The following DPP6 variants were observed in gnomAD, a reference collection of about 807,000 sequenced individuals.
DPP6 encodes dipeptidyl peptidase like 6, also known as A-type potassium channel modulatory protein DPP6.
Under a neutral mutation model 122.6 loss-of-function variants are expected in DPP6, and 69 were observed. That is an observed-to-expected ratio of 0.56 (90% CI 0.46 to 0.69). The LOEUF (loss-of-function observed/expected upper bound fraction) is 0.69. Among genes scored for constraint, DPP6 ranks in the 30% least tolerant of loss-of-function variants. The pLI, the probability that DPP6 is intolerant of heterozygous loss-of-function variation, is 0.00. For missense variants in DPP6, 928 were observed against 1,116.9 expected (o/e 0.83, Z 2.41); for synonymous variants, 418 against 433.1 (o/e 0.97, Z 0.43).
At chr7:154,117,307 C>A (rs192982325) in intron 1 of DPP6, among the ~76,000 whole-genome samples, 10 of 152,284 alleles carry the variant, frequency 6.6e-5, no homozygotes, top group Admixed American at 2.0e-4. Context: ...AAAGTCTGAG[C>A]AAATATGATT....
chr7:154,566,998 A>G lies in DPP6; in HGVS notation c.627+82A>G, dbSNP rs768670482. 5 of 988,462 alleles carry G rather than the reference A, an allele frequency of 5.1e-6. No homozygotes were observed. The East Asian group carries it at 7.8e-5, about 15-fold the overall frequency. The allele number at this position is 988,462 out of a possible 1,614,324, so 61.2% of individuals were successfully genotyped here. On this transcript the variant is annotated intron_variant, in intron 5 of 25. Coordinates refer to ENST00000377770, the MANE Select transcript of DPP6 (RefSeq NM_130797.4). Reference sequence around the variant, plus strand: ...TTAAGTATATTTCCTTGACTCTTCTATACTTAGTGATCTTTGAATCCAGAA... The same window carrying G: ...TTAAGTATATTTCCTTGACTCTTCTGTACTTAGTGATCTTTGAATCCAGAA...
At chr7:154,721,779 C>T (rs1841823916) in intron 7 of DPP6, among the ~76,000 whole-genome samples, 2 of 152,156 alleles carry the variant, frequency 1.3e-5, no homozygotes, top group African/African-American at 4.8e-5. Flanking sequence ...GTAACAGCAA[C>T]AGATGTGACT....
intron 1 of DPP6, among the ~76,000 whole-genome samples, chr7:154,251,757 G>C (rs1802361170): frequency 6.6e-6 from 1 of 151,844 alleles, no homozygotes; most frequent in East Asian, 1.9e-4. Context: ...ATGAAGGCCG[G>C]AAGTCTCAGC....
intron 1 of DPP6, among the ~76,000 whole-genome samples, chr7:154,441,098 G>C (rs1819335210): frequency 6.6e-6 from 1 of 152,178 alleles, no homozygotes; most frequent in Non-Finnish European, 1.5e-5. Flanking sequence ...CTTGAGGTAT[G>C]CATCACTTTA....
At chr7:154,669,317 C>T (rs2131101963) in intron 6 of DPP6, 43 bp from the exon 7 acceptor site, 2 of 1,551,452 alleles carry the variant, frequency 1.3e-6, no homozygotes, top group South Asian at 2.4e-5. Context: ...ATTCTTGGTT[C>T]CCAACATTTT....
chr7:153,769,458 T>G, the DPP6 span, among the ~76,000 whole-genome samples: 1 of 152,134 alleles, frequency 6.6e-6, no homozygotes, highest in Non-Finnish European at 1.5e-5. Context: ...CACATAATGG[T>G]GTGATTTACT....
At chr7:153,880,227 T>G in the DPP6 span, among the ~76,000 whole-genome samples, 2 of 152,188 alleles carry the variant, frequency 1.3e-5, no homozygotes, top group East Asian at 1.9e-4. Flanking sequence ...TTGCTTTCAG[T>G]TTATAAGTGT....
chr7:153,803,864 T>TAC, the DPP6 span, among the ~76,000 whole-genome samples: 5 of 149,754 alleles, frequency 3.3e-5, no homozygotes, highest in African/African-American at 1.3e-4. Context: ...CATATATATA[T>TAC]ACACACAAGG....
intron 16 of DPP6, among the ~76,000 whole-genome samples, chr7:154,816,679 CTACCCACTCAG>C (rs1799446677): frequency 6.6e-6 from 1 of 152,214 alleles, no homozygotes; most frequent in Non-Finnish European, 1.5e-5. Context: ...CATCCACTTG[CTACCCACTCAG>C]TATCCAAAAG....
intron 1 of DPP6, among the ~76,000 whole-genome samples, chr7:154,061,056 T>C (rs557896851): frequency 1.4e-5 from 2 of 140,728 alleles, no homozygotes; most frequent in East Asian, 2.0e-4. Context: ...GGATTTACGA[T>C]CCGACGGGTC....
intron 5 of DPP6, among the ~76,000 whole-genome samples, chr7:154,628,064 G>A (rs1257141952): frequency 6.6e-6 from 1 of 152,104 alleles, no homozygotes; most frequent in Admixed American, 6.5e-5. Flanking sequence ...TGCTTGCCTG[G>A]GAGCTGCAGG....
intron 6 of DPP6, among the ~76,000 whole-genome samples, chr7:154,645,977 G>A (rs1458809386): frequency 1.6e-5 from 2 of 127,520 alleles, no homozygotes; most frequent in Non-Finnish European, 3.1e-5. Context: ...GCAGTGAGCC[G>A]AGACTGTGCC....
At chr7:154,261,822 A>C (rs746783653) in intron 1 of DPP6, among the ~76,000 whole-genome samples, 1 of 152,226 alleles carries the variant, frequency 6.6e-6, no homozygotes, top group Non-Finnish European at 1.5e-5. Flanking sequence ...GGGAAATGCA[A>C]ATCAAAACTA....
intron 1 of DPP6, among the ~76,000 whole-genome samples, chr7:154,067,847 C>T (rs1292678102): frequency 2.6e-5 from 4 of 151,716 alleles, no homozygotes; most frequent in East Asian, 1.9e-4. Context: ...TGGGCTCAAG[C>T]GATCTTCCTG....
intron 3 of DPP6, among the ~76,000 whole-genome samples, chr7:154,478,807 C>T (rs1380373727): frequency 6.6e-6 from 1 of 152,082 alleles, no homozygotes; most frequent in Non-Finnish European, 1.5e-5. Context: ...TTATAGGTTC[C>T]GAACAGTTCA....
intron 8 of DPP6, among the ~76,000 whole-genome samples, chr7:154,747,158 C>T (rs1843075284): frequency 6.6e-6 from 1 of 152,196 alleles, no homozygotes; most frequent in African/African-American, 2.4e-5. Flanking sequence ...CCAGTCTGCT[C>T]CGTTTAAGGG....
chr7:154,604,386 G>T (rs1460383663), intron 5 of DPP6, among the ~76,000 whole-genome samples: 1 of 119,850 alleles, frequency 8.3e-6, no homozygotes, highest in African/African-American at 2.6e-5. Flanking sequence ...TTTAAAAATT[G>T]CCTTGGCTAT....
At chr7:154,191,022 G>C (rs151137940) in intron 1 of DPP6, among the ~76,000 whole-genome samples, 1 of 152,194 alleles carries the variant, frequency 6.6e-6, no homozygotes, top group East Asian at 1.9e-4. Flanking sequence ...TTGCTTAATA[G>C]CCAATAATAA....
chr7:154,206,050 G>A (rs1054395709), intron 1 of DPP6, among the ~76,000 whole-genome samples: 2 of 152,202 alleles, frequency 1.3e-5, no homozygotes, highest in East Asian at 1.9e-4. Context: ...AGTTCCATTT[G>A]TAAACATTTT....
Sources: gnomAD v4.1 joint callset for allele counts (sites outside exome capture counted in the v4.1 genomes callset) on GRCh38, gnomAD v4.1.1 for gene constraint, MANE v1.5 for transcripts, NCBI Gene and HGNC (gene_info 2026-07-23, HGNC 2026-07-21) for gene names.